The following ATP10B variants were observed in gnomAD, a reference collection of about 807,000 sequenced individuals.
ATP10B encodes phospholipid-transporting ATPase VB.
ATP10B carries 122 observed loss-of-function variants against 141.2 expected under a neutral mutation model. The observed-to-expected ratio is 0.86, with a 90% CI of 0.75 to 1.00. The LOEUF is 1.00. Ranked by LOEUF, ATP10B falls within the 50% of genes least tolerant of loss-of-function variation. ATP10B has a pLI of 0.00. For synonymous variants in ATP10B, 685 were observed against 692.0 expected, an observed-to-expected ratio of 0.99 and a Z score of 0.16; for missense variants, 1,876 against 1,825.3, an observed-to-expected ratio of 1.03 and a Z score of -0.51.
intron 1 of ATP10B, among the ~76,000 whole-genome samples, chr5:160,795,950 C>T (rs1030597878): frequency 2.0e-5 from 3 of 152,110 alleles, no homozygotes; most frequent in Non-Finnish European, 4.4e-5. Context: ...TATGGCAGCC[C>T]TAGAAAATAA....
At chr5:160,924,465 AAAG>A in the ATP10B span, among the ~76,000 whole-genome samples, 1 of 152,240 alleles carries the variant, frequency 6.6e-6, no homozygotes, top group East Asian at 1.9e-4. Context: ...ATACTCAATA[AAAG>A]GTATTAATTA....
At chr5:160,705,215 A>G (rs1764934013) in intron 3 of ATP10B, among the ~76,000 whole-genome samples, 1 of 151,656 alleles carries the variant, frequency 6.6e-6, no homozygotes, top group African/African-American at 2.4e-5. Flanking sequence ...ACGGTGCCCA[A>G]CCTTATCCTT....
chr5:160,746,231 C>T (rs1047789652), intron 2 of ATP10B, among the ~76,000 whole-genome samples: 2 of 152,190 alleles, frequency 1.3e-5, no homozygotes, highest in Admixed American at 1.3e-4. Flanking sequence ...ATGCTTTTAA[C>T]CACATGCTGC....
At position 160,755,127 on chromosome 5, in the gene ATP10B, G is replaced by A. The variant is rs142942684; in HGVS notation, c.-331+30432C>T. On this transcript the variant is annotated intron_variant, in intron 2 of 25. Coordinates refer to ENST00000327245, the MANE Select transcript of ATP10B (RefSeq NM_025153.3). ...GCAGGCTTAACAGGAAGCATGACTG[G>A]GAGGCCTCAAGAAACTTACAATCAT... Among the ~76,000 whole-genome samples the A allele has an allele frequency of 5.9e-5, 9 of 152,234 alleles. No homozygotes were observed. The East Asian group carries it at 1.7e-3, about 29-fold the overall frequency.
chr5:160,798,107 G>A (rs903878517), intron 1 of ATP10B, among the ~76,000 whole-genome samples: 12 of 152,136 alleles, frequency 7.9e-5, no homozygotes, highest in African/African-American at 2.9e-4. Flanking sequence ...GCCAAGAGCT[G>A]AGGAGGTTGG....
At chr5:160,815,505 T>G (rs1025177728) in intron 1 of ATP10B, among the ~76,000 whole-genome samples, 1 of 152,094 alleles carries the variant, frequency 6.6e-6, no homozygotes, top group Non-Finnish European at 1.5e-5. Flanking sequence ...CTTAGAGACC[T>G]ACAAAGAGAC....
chr5:160,783,436 A>C (rs551826930), intron 2 of ATP10B, among the ~76,000 whole-genome samples: 1 of 118,756 alleles, frequency 8.4e-6, no homozygotes, highest in East Asian at 2.7e-4. Context: ...ATGGATAGAT[A>C]TATCCATCAC....
chr5:160,905,392 C>A, the ATP10B span, among the ~76,000 whole-genome samples: 1 of 152,152 alleles, frequency 6.6e-6, no homozygotes, highest in Non-Finnish European at 1.5e-5. Flanking sequence ...TGGCCTGGGG[C>A]AAGTTATTCA....
rs186100669 is a variant in ATP10B, at chr5:160,686,092, G to T, written c.457C>A (p.Arg153=). 6.4e-7 allele frequency: 1 copy of T among 1,563,910 alleles called. No individual in the cohort carries two copies. The highest frequency in any genetic ancestry group is 8.7e-7 in the Non-Finnish European group (1 of 1,149,374). ...FDKAINCSNI[R]IYERKEQTYV... ...GGTTTTTCTTACCTTTCATAAATTC[G>T]AATGTTGGAGCAGTTTATTGCTTTA... Residue 153 remains arginine, a synonymous_variant, in exon 6 of 26, where the codon CGA becomes AGA. Transcript: ENST00000327245.
the ATP10B span, among the ~76,000 whole-genome samples, chr5:160,874,250 G>C: frequency 1.2e-5 from 1 of 85,592 alleles, no homozygotes; most frequent in African/African-American, 3.3e-5. Context: ...CAGGCTAACT[G>C]GGAGGCACCC....
chr5:160,603,985 A>G lies in ATP10B; in HGVS notation c.3217T>C (p.Ser1073Pro). Residue 1073 changes from serine to proline, a missense_variant, in exon 20 of 26, where the codon TCT becomes CCT. By Grantham distance (74) the Ser-to-Pro change is moderately conservative. Coordinates refer to ENST00000327245, the MANE Select transcript of ATP10B (RefSeq NM_025153.3). ...AATACCTGCATGCCTTCCTGTCCAG[A>G]TATTCCAATTCCAATATCAGCAGCT... Reference protein sequence around the residue: ...IQAADIGIGISGQEGMQAVMS... With the variant: ...IQAADIGIGIPGQEGMQAVMS... The G allele has an allele frequency of 1.2e-6, 2 of 1,613,806 alleles. No homozygotes were observed. Among genetic ancestry groups the G allele is most frequent in the Non-Finnish European group, 1.7e-6 (2 of 1,179,820 alleles).
chr5:160,925,803 A>T, the ATP10B span, among the ~76,000 whole-genome samples: 1 of 152,360 alleles, frequency 6.6e-6, no homozygotes, highest in African/African-American at 2.4e-5. Flanking sequence ...AGGCCATGAA[A>T]TTAGGAAAAT....
chr5:160,832,238 A>G (rs1366549125), intron 1 of ATP10B, among the ~76,000 whole-genome samples: 1 of 152,192 alleles, frequency 6.6e-6, no homozygotes, highest in East Asian at 1.9e-4. Context: ...AAATACTCAT[A>G]AAACTCTGGC....
chr5:160,798,046 G>C (rs1772088115), intron 1 of ATP10B, among the ~76,000 whole-genome samples: 1 of 152,016 alleles, frequency 6.6e-6, no homozygotes, highest in Admixed American at 6.6e-5. Context: ...AGGTTTCTTT[G>C]AGGTGGTGAC....
the ATP10B span, among the ~76,000 whole-genome samples, chr5:160,910,225 A>G: frequency 1.3e-5 from 2 of 152,054 alleles, no homozygotes; most frequent in African/African-American, 2.4e-5. Flanking sequence ...TCAAGATGAG[A>G]CTGGTTCCTT....
chr5:160,790,474 C>G (rs947076556), intron 1 of ATP10B, among the ~76,000 whole-genome samples: 1 of 152,036 alleles, frequency 6.6e-6, no homozygotes, highest in African/African-American at 2.4e-5. Context: ...ACCCCTGAAA[C>G]ATCTATTAGG....
chr5:160,895,090 CTA>C, the ATP10B span, among the ~76,000 whole-genome samples: 2 of 152,250 alleles, frequency 1.3e-5, no homozygotes, highest in South Asian at 4.1e-4. Flanking sequence ...GTACCAGCCA[CTA>C]CAAAAATATA....
chr5:160,593,704 A>C (rs1017237884), intron 22 of ATP10B, among the ~76,000 whole-genome samples: 1 of 152,380 alleles, frequency 6.6e-6, no homozygotes, highest in South Asian at 2.1e-4. Flanking sequence ...ACTAATACAG[A>C]GAAGTGCTTA....
intron 1 of ATP10B, among the ~76,000 whole-genome samples, chr5:160,814,715 A>G (rs999103056): frequency 2.0e-5 from 3 of 152,200 alleles, no homozygotes; most frequent in African/African-American, 4.8e-5. Context: ...GAAGGAAAAA[A>G]TGTTAAGGGC....
Sources: gnomAD v4.1 joint callset for allele counts (sites outside exome capture counted in the v4.1 genomes callset) on GRCh38, gnomAD v4.1.1 for gene constraint, MANE v1.5 for transcripts, NCBI Gene and HGNC (gene_info 2026-07-23, HGNC 2026-07-21) for gene names.